Variants in B4GALT5 observed in about 807,000 individuals in gnomAD.
B4GALT5 encodes the protein UDP-Gal:beta-GlcNAc beta-1,4-galactosyltransferase 5.
B4GALT5 carries 11 observed loss-of-function variants against 45.0 expected under a neutral mutation model. The ratio of observed to expected loss-of-function variants is 0.24; its 90% CI spans 0.15 to 0.40. The LOEUF (loss-of-function observed/expected upper bound fraction) is 0.40, where lower values mean the gene tolerates loss of function less well. Among genes scored for constraint, B4GALT5 ranks in the 10% least tolerant of loss-of-function variants. B4GALT5 has a pLI of 1.00. For synonymous variants in B4GALT5, 185 were observed against 182.9 expected (o/e 1.01, Z -0.09); for missense variants, 337 against 500.2 (o/e 0.67, Z 3.11).
rs77024928 is a variant in B4GALT5, at chr20:49,652,383, T to C, written c.250+4185A>G. On this transcript the variant is annotated intron_variant, in intron 2 of 8. Coordinates refer to ENST00000371711, the MANE Select transcript of B4GALT5 (RefSeq NM_004776.4). ...CACTTGCCTCTCTGCTTGAAAAAAA[T>C]ATGGAAATTTATATATACTAGAAAG... 4.0e-3 allele frequency among the ~76,000 whole-genome samples: 606 copies of C among 151,164 alleles called. 7 individuals are homozygous for C. The highest frequency in any genetic ancestry group is 0.014 in the African/African-American group (581 of 41,134).
chr20:49,645,158 C>T (rs1230308352), intron 3 of B4GALT5, among the ~76,000 whole-genome samples: 1 of 152,226 alleles, frequency 6.6e-6, no homozygotes, highest in East Asian at 1.9e-4. Flanking sequence ...AGGACGATTG[C>T]TCCCTGAAGT....
At chr20:49,659,401 C>G (rs6019958) in intron 1 of B4GALT5, among the ~76,000 whole-genome samples, 169 of 152,290 alleles carry the variant, frequency 1.1e-3, no homozygotes, top group African/African-American at 3.9e-3. Flanking sequence ...CAGTCTCCCC[C>G]CTTCTCCAGT....
chr20:49,698,271 C>A (rs990170800), intron 1 of B4GALT5, among the ~76,000 whole-genome samples: 1 of 151,706 alleles, frequency 6.6e-6, no homozygotes, highest in African/African-American at 2.4e-5. Context: ...TGCAGTGAGC[C>A]GAGACGGTGG....
intron 1 of B4GALT5, among the ~76,000 whole-genome samples, chr20:49,679,989 C>T (rs1169018328): frequency 6.6e-6 from 1 of 152,152 alleles, no homozygotes; most frequent in Non-Finnish European, 1.5e-5. Context: ...TCACTAAATA[C>T]ATTTATCACA....
intron 1 of B4GALT5, among the ~76,000 whole-genome samples, chr20:49,700,910 G>C (rs2085858849): frequency 6.6e-6 from 1 of 152,170 alleles, no homozygotes; most frequent in African/African-American, 2.4e-5. Context: ...TGAAACTCTG[G>C]ATAAGGGGGT....
chr20:49,713,434 G>C (rs963034069), intron 1 of B4GALT5, 142 bp downstream of exon 1: 2 of 756,044 alleles, frequency 2.6e-6, no homozygotes, highest in African/African-American at 3.8e-5. Context: ...GCGTCCCCGA[G>C]AGCCGGGCCA....
At chr20:49,643,505 G>A (rs537895750) in intron 4 of B4GALT5, 21 bp downstream of exon 4, 1 of 1,612,872 alleles carries the variant, frequency 6.2e-7, no homozygotes, top group South Asian at 1.1e-5. Flanking sequence ...TCAGCATTTT[G>A]GCTGTGACTT....
At chr20:49,656,157 G>C (rs1046840693) in intron 2 of B4GALT5, among the ~76,000 whole-genome samples, 1 of 152,024 alleles carries the variant, frequency 6.6e-6, no homozygotes, top group East Asian at 1.9e-4. Flanking sequence ...GTTAAGAAGA[G>C]CCTGGCCCTG....
chr20:49,706,535 G>T (rs1188953691), intron 1 of B4GALT5, among the ~76,000 whole-genome samples: 1 of 152,124 alleles, frequency 6.6e-6, no homozygotes, highest in African/African-American at 2.4e-5. Context: ...CAAATGCTGG[G>T]TACCTGGGTA....
chr20:49,641,320 T>A (rs1199467651), intron 5 of B4GALT5, among the ~76,000 whole-genome samples: 1 of 152,228 alleles, frequency 6.6e-6, no homozygotes, highest in Non-Finnish European at 1.5e-5. Flanking sequence ...CTTCAGCACA[T>A]CAACCAATCT....
chr20:49,660,382 G>A (rs1466514233), intron 1 of B4GALT5, among the ~76,000 whole-genome samples: 1 of 152,150 alleles, frequency 6.6e-6, no homozygotes, highest in Non-Finnish European at 1.5e-5. Flanking sequence ...TAGTTATTTA[G>A]CCTGCCATTT....
At position 49,666,786 on chromosome 20, in the gene B4GALT5, A is replaced by G. The variant is rs1015047388; in HGVS notation, c.116-10084T>C. ...AAACCTGCATTATCTTTTTAGACCA[A>G]TATTTTGTGGAAAAAGCACAACCTG... is the stretch of plus-strand genomic sequence containing the variant. On this transcript the variant is annotated intron_variant, in intron 1 of 8. Transcript: ENST00000371711. Among the ~76,000 whole-genome samples the G allele has an allele frequency of 2.0e-5, 3 of 152,296 alleles. No individual in the cohort carries two copies. The South Asian group carries it at 6.2e-4, about 32-fold the overall frequency.
intron 1 of B4GALT5, among the ~76,000 whole-genome samples, chr20:49,679,144 T>C (rs900441384): frequency 2.6e-5 from 4 of 152,170 alleles, no homozygotes; most frequent in Non-Finnish European, 4.4e-5. Flanking sequence ...CAATAGATTA[T>C]GGGAAATGGC....
At chr20:49,636,536 C>A in intron 8 of B4GALT5, 77 bp from the exon 9 acceptor site, 2 of 1,523,066 alleles carry the variant, frequency 1.3e-6, no homozygotes, top group South Asian at 1.2e-5. Context: ...TGGAGCAGGG[C>A]GTCCCACAGC....
chr20:49,669,168 A>C (rs911364307), intron 1 of B4GALT5, among the ~76,000 whole-genome samples: 3 of 151,912 alleles, frequency 2.0e-5, no homozygotes, highest in African/African-American at 7.3e-5. Flanking sequence ...GCCAATACTA[A>C]GCTTTAATGT....
chr20:49,708,738 G>C lies in B4GALT5; in HGVS notation c.115+4838C>G, dbSNP rs570040310. The stretch of plus-strand genomic sequence containing the variant: ...CAAGGTGGGCAGACCACGAGGTCAG[G>C]AGTTCAAGACCAGCCTGACCAACAT... On this transcript the variant is annotated intron_variant, in intron 1 of 8. Transcript: ENST00000371711. 2.5e-4 allele frequency among the ~76,000 whole-genome samples: 38 copies of C among 152,174 alleles called. No homozygotes were observed. In the South Asian group the frequency reaches 4.1e-3, roughly 17 times the overall value.
intron 3 of B4GALT5, among the ~76,000 whole-genome samples, chr20:49,643,877 A>G (rs892378487): frequency 1.6e-4 from 24 of 146,764 alleles, no homozygotes; most frequent in Non-Finnish European, 3.3e-4. Context: ...TGCTTCTGTC[A>G]GGGGCCAGGT....
intron 1 of B4GALT5, among the ~76,000 whole-genome samples, chr20:49,667,048 A>C (rs2085693607): frequency 6.6e-6 from 1 of 152,104 alleles, no homozygotes; most frequent in Admixed American, 6.5e-5. Flanking sequence ...AGATGAAAAA[A>C]ACTCAGGTCT....
chr20:49,713,559 C>T lies in B4GALT5; in HGVS notation c.115+17G>A. On this transcript the variant is annotated intron_variant, in intron 1 of 8. Coordinates refer to ENST00000371711, the MANE Select transcript of B4GALT5 (RefSeq NM_004776.4). Reference sequence around the variant, plus strand: ...GGCCAGAGCGGCAGCCGCCGCGGTCCCAAGCCCCCTTCCTACCTATGCCGG... The same window carrying T: ...GGCCAGAGCGGCAGCCGCCGCGGTCTCAAGCCCCCTTCCTACCTATGCCGG... The T allele has an allele frequency of 6.4e-7, 1 of 1,558,080 alleles. No homozygotes were observed. The highest frequency in any genetic ancestry group is 8.7e-7 in the Non-Finnish European group (1 of 1,151,678).
Sources: gnomAD v4.1 joint callset for allele counts (sites outside exome capture counted in the v4.1 genomes callset) on GRCh38, gnomAD v4.1.1 for gene constraint, MANE v1.5 for transcripts, NCBI Gene and HGNC (gene_info 2026-07-23, HGNC 2026-07-21) for gene names.